MYH15: variants seen among roughly 807,000 people sequenced by gnomAD.
MYH15 encodes the protein myosin-15.
Under a neutral mutation model 240.5 loss-of-function variants are expected in MYH15, and 227 were observed. The observed-to-expected ratio is 0.94, with a 90% CI of 0.85 to 1.05. The LOEUF (loss-of-function observed/expected upper bound fraction) is 1.05, where lower values mean the gene tolerates loss of function less well. Among genes scored for constraint, MYH15 ranks in the 50% least tolerant of loss-of-function variants. The pLI, the probability that MYH15 is intolerant of heterozygous loss-of-function variation, is 0.00. For missense variants in MYH15, 2,217 were observed against 2,247.5 expected (o/e 0.99, Z 0.27); for synonymous variants, 785 against 796.7 (o/e 0.99, Z 0.25).
intron 11 of MYH15, among the ~76,000 whole-genome samples, chr3:108,483,064 C>CT (rs2083278800): frequency 2.6e-5 from 4 of 151,816 alleles, no homozygotes; most frequent in Admixed American, 2.6e-4. Flanking sequence ...TGTAGTGGTG[C>CT]ACCTGTAATC....
chr3:108,519,617 T>G (rs2083601306), intron 1 of MYH15, among the ~76,000 whole-genome samples: 1 of 152,192 alleles, frequency 6.6e-6, no homozygotes, highest in Non-Finnish European at 1.5e-5. Flanking sequence ...ACTTTTGTGC[T>G]TCAGAATTCA....
chr3:108,466,386 A>G (rs2083117886), intron 14 of MYH15, among the ~76,000 whole-genome samples: 1 of 152,178 alleles, frequency 6.6e-6, no homozygotes, highest in African/African-American at 2.4e-5. Context: ...GGCAAAAACT[A>G]TTTATAAAAA....
rs201541992 is a variant in MYH15, at chr3:108,444,665, T to A, written c.2630A>T (p.Asn877Ile). ...AKQVSLTQEKNDLILQLQAEQ... is the reference protein window; with the variant it reads ...AKQVSLTQEKIDLILQLQAEQ... ...AGCCTGAAGCTGAAGAATCAGGTCATTTTTTTCCTGAGTGAGGGATACTTG... is the reference window on the plus strand; with the variant it reads ...AGCCTGAAGCTGAAGAATCAGGTCAATTTTTTCCTGAGTGAGGGATACTTG... Residue 877 changes from asparagine (N) to isoleucine (I), a missense_variant, in exon 22 of 41, where the codon AAT becomes ATT. Asn to Ile is a moderately radical substitution (Grantham distance 149). Coordinates refer to ENST00000693548, the MANE Select transcript of MYH15 (RefSeq NM_014981.3). The A allele has an allele frequency of 3.2e-5, 51 of 1,613,724 alleles. No homozygotes were observed. The highest frequency in any genetic ancestry group is 1.6e-4 in the Middle Eastern group (1 of 6,080).
At chr3:108,499,633 A>C in intron 4 of MYH15, 151 bp from the exon 5 acceptor site, 1 of 743,850 alleles carries the variant, frequency 1.3e-6, no homozygotes. Flanking sequence ...TACCCCTCAA[A>C]TGGTACAGGG....
At chr3:108,405,660 C>G (rs934439136) in intron 32 of MYH15, among the ~76,000 whole-genome samples, 1 of 152,260 alleles carries the variant, frequency 6.6e-6, no homozygotes, top group East Asian at 1.9e-4. Context: ...ATTCTTAGGT[C>G]TTTCAGCTGT....
intron 33 of MYH15, among the ~76,000 whole-genome samples, chr3:108,399,966 A>T (rs1017703703): frequency 6.6e-6 from 1 of 152,258 alleles, no homozygotes; most frequent in Non-Finnish European, 1.5e-5. Context: ...CATAAAAAAT[A>T]AAAAATTGGG....
At chr3:108,516,322 A>G (rs1195330417) in intron 1 of MYH15, among the ~76,000 whole-genome samples, 1 of 152,204 alleles carries the variant, frequency 6.6e-6, no homozygotes, top group Non-Finnish European at 1.5e-5. Flanking sequence ...AACAAACACT[A>G]AGCATCTTTT....
At chr3:108,416,962 A>C in intron 28 of MYH15, 32 bp from the exon 29 acceptor site, 3 of 1,509,968 alleles carry the variant, frequency 2.0e-6, no homozygotes, top group Non-Finnish European at 2.8e-6. Context: ...CTACATAATT[A>C]CAGTCTTCCT....
chr3:108,440,730 G>T (rs2082878020), intron 23 of MYH15, among the ~76,000 whole-genome samples: 1 of 149,744 alleles, frequency 6.7e-6, no homozygotes, highest in Admixed American at 6.6e-5. Flanking sequence ...CAGGCCCGAT[G>T]AAACCATTTT....
intron 33 of MYH15, among the ~76,000 whole-genome samples, chr3:108,403,513 T>C (rs2082524184): frequency 7.3e-6 from 1 of 137,336 alleles, no homozygotes; most frequent in Admixed American, 7.6e-5. Flanking sequence ...TTTTTTTTTT[T>C]CCTCCTGGCA....
chr3:108,380,533 G>A lies in MYH15; in HGVS notation c.*1012C>T, dbSNP rs2082334566. ...GAAGGGAAGTCCATAAGAACAAACA[G>A]AACCCATGTCTGTCTCACGGCCTCC... On this transcript the variant is annotated 3_prime_UTR_variant, in exon 41 of 41. Coordinates refer to ENST00000693548, the MANE Select transcript of MYH15 (RefSeq NM_014981.3). 6.6e-6 allele frequency: 1 copy of A among 152,330 alleles called. No homozygotes were observed. The highest frequency in any genetic ancestry group is 1.5e-5 in the Non-Finnish European group (1 of 68,164). 9.4% of individuals were successfully genotyped at this position (152,330 alleles called of 1,614,324 possible).
chr3:108,385,962 C>G (rs1576200443), intron 38 of MYH15, among the ~76,000 whole-genome samples: 1 of 152,130 alleles, frequency 6.6e-6, no homozygotes, highest in African/African-American at 2.4e-5. Context: ...TTAATAATTA[C>G]TAATTTTAAC....
intron 13 of MYH15, 83 bp downstream of exon 13, chr3:108,470,615 G>T: frequency 6.9e-7 from 1 of 1,450,066 alleles, no homozygotes. Context: ...CCCATGCTTT[G>T]ACCATATTTT....
At position 108,498,258 on chromosome 3, in the gene MYH15, G is replaced by C. The variant is rs1305364947; in HGVS notation, c.525-113C>G. On this transcript the variant is annotated intron_variant, in intron 5 of 40. Transcript: ENST00000693548. The stretch of plus-strand genomic sequence containing the variant: ...CAAGCAGGGAAGCTTTTACATAAAA[G>C]TAGAGCTTCAGATGGAACTTGAGGA... The C allele has an allele frequency of 4.6e-6, 4 of 872,606 alleles. No individual in the cohort carries two copies. The African/African-American group carries it at 6.7e-5, about 15-fold the overall frequency. The allele number at this position is 872,606 out of a possible 1,614,324, so 54.1% of individuals were successfully genotyped here. A position where few individuals can be genotyped will look rare whatever the true frequency, so the allele number is the denominator to read the frequency against.
intron 10 of MYH15, among the ~76,000 whole-genome samples, chr3:108,486,068 T>C (rs940226535): frequency 3.3e-5 from 5 of 152,188 alleles, no homozygotes; most frequent in Non-Finnish European, 7.4e-5. Context: ...ATATGCCAAA[T>C]GTCTATGCAG....
At chr3:108,534,850 T>C in the MYH15 span, among the ~76,000 whole-genome samples, 1 of 152,068 alleles carries the variant, frequency 6.6e-6, no homozygotes, top group Admixed American at 6.6e-5. Context: ...CATTGCACTC[T>C]AGCCAGGGTG....
chr3:108,523,757 A>G (rs2083642625), intron 1 of MYH15, among the ~76,000 whole-genome samples: 1 of 152,010 alleles, frequency 6.6e-6, no homozygotes, highest in Admixed American at 6.6e-5. Context: ...CAGGTAAACA[A>G]ATATACAGAC....
chr3:108,404,198 A>T (rs2082529383), intron 33 of MYH15, among the ~76,000 whole-genome samples: 1 of 152,166 alleles, frequency 6.6e-6, no homozygotes, highest in South Asian at 2.1e-4. Context: ...AACTCAAAGC[A>T]CATAGAAGGC....
chr3:108,416,724 A>G, intron 29 of MYH15, 88 bp downstream of exon 29: 1 of 1,122,708 alleles, frequency 8.9e-7, no homozygotes, highest in Non-Finnish European at 1.3e-6. Context: ...TCTTTTACAA[A>G]ACATCTTCAG....
Sources: gnomAD v4.1 joint callset for allele counts (sites outside exome capture counted in the v4.1 genomes callset) on GRCh38, gnomAD v4.1.1 for gene constraint, MANE v1.5 for transcripts, NCBI Gene and HGNC (gene_info 2026-07-23, HGNC 2026-07-21) for gene names.